Variants in LDLRAD4 observed in about 807,000 individuals in gnomAD.
The protein encoded by LDLRAD4 is low density lipoprotein receptor class A domain containing 4, also known as low-density lipoprotein receptor class A domain-containing protein 4.
In LDLRAD4, 5 loss-of-function variants were observed where a neutral mutation model predicts 17.0. The ratio of observed to expected loss-of-function variants is 0.29; its 90% confidence interval spans 0.15 to 0.62. LDLRAD4 has a LOEUF of 0.62. Ranked by LOEUF, LDLRAD4 falls within the 20% of genes least tolerant of loss-of-function variation. The probability of loss-of-function intolerance (pLI) is 0.84; values close to 1 mark genes in which losing one functional copy is unlikely to be tolerated. For missense variants in LDLRAD4, 340 were observed against 424.7 expected (o/e 0.80, Z 1.75); for synonymous variants, 168 against 171.8 (o/e 0.98, Z 0.17).
chr18:13,538,603 C>T (rs1334332948), intron 3 of LDLRAD4, among the ~76,000 whole-genome samples: 1 of 151,894 alleles, frequency 6.6e-6, no homozygotes, highest in African/African-American at 2.4e-5. Flanking sequence ...CAGCTCACTG[C>T]AACTTCCGCC....
chr18:13,286,840 G>A (rs888142099), intron 1 of LDLRAD4, among the ~76,000 whole-genome samples: 6 of 152,188 alleles, frequency 3.9e-5, no homozygotes, highest in African/African-American at 1.2e-4. Context: ...TGGAGAAGAG[G>A]CCTGGGGTGG....
At chr18:13,305,859 G>A in intron 1 of LDLRAD4, among the ~76,000 whole-genome samples, 1 of 152,316 alleles carries the variant, frequency 6.6e-6, no homozygotes, top group East Asian at 1.9e-4. Flanking sequence ...CTTTTATATG[G>A]TAGAAGGATG....
chr18:13,278,839 A>G (rs1237320319), intron 1 of LDLRAD4, among the ~76,000 whole-genome samples: 1 of 152,126 alleles, frequency 6.6e-6, no homozygotes, highest in Non-Finnish European at 1.5e-5. Flanking sequence ...CAGGAGCTCG[A>G]TAAAACTTTT....
chr18:13,548,091 G>A (rs964254193), intron 3 of LDLRAD4, among the ~76,000 whole-genome samples: 1 of 152,158 alleles, frequency 6.6e-6, no homozygotes, highest in African/African-American at 2.4e-5. Context: ...GACAAATGCA[G>A]CTCTCAGCAG....
At chr18:13,437,348 C>T (rs553567286) in intron 2 of LDLRAD4, among the ~76,000 whole-genome samples, 2 of 152,350 alleles carry the variant, frequency 1.3e-5, no homozygotes, top group African/African-American at 4.8e-5. Context: ...GGGCCAAGCC[C>T]ACACTCAGAA....
chr18:13,628,312 C>G (rs2148870802), intron 4 of LDLRAD4, among the ~76,000 whole-genome samples: 1 of 152,358 alleles, frequency 6.6e-6, no homozygotes, highest in East Asian at 1.9e-4. Flanking sequence ...CACAGGCTTC[C>G]TCTGGCATCA....
At chr18:13,564,606 A>C (rs868057527) in intron 3 of LDLRAD4, among the ~76,000 whole-genome samples, 7 of 143,262 alleles carry the variant, frequency 4.9e-5, no homozygotes, top group African/African-American at 1.5e-4. Flanking sequence ...AAAAAAAAAA[A>C]CTCACAAAAA....
intron 3 of LDLRAD4, among the ~76,000 whole-genome samples, chr18:13,600,383 C>T (rs1296394769): frequency 6.6e-6 from 1 of 152,130 alleles, no homozygotes; most frequent in Non-Finnish European, 1.5e-5. Context: ...TGAAATGAGA[C>T]ATGTGAGGAC....
intron 1 of LDLRAD4, among the ~76,000 whole-genome samples, chr18:13,253,321 G>C (rs1006420845): frequency 1.3e-5 from 2 of 152,184 alleles, no homozygotes; most frequent in Non-Finnish European, 2.9e-5. Context: ...GGGCGCCACT[G>C]CTCTCAGCAT....
At chr18:13,468,023 G>C (rs1255126919) in intron 3 of LDLRAD4, among the ~76,000 whole-genome samples, 1 of 152,074 alleles carries the variant, frequency 6.6e-6, no homozygotes, top group Non-Finnish European at 1.5e-5. Flanking sequence ...AGAGCCAAGA[G>C]CATAAAATTC....
Position 13,554,584 on chromosome 18 carries a change from G to T in LDLRAD4, c.182-66533G>T, listed in dbSNP as rs371539768. Among the ~76,000 whole-genome samples, 5 of 151,568 alleles carry T rather than the reference G, an allele frequency of 3.3e-5. No individual in the cohort carries two copies. In the East Asian group the frequency reaches 9.7e-4, roughly 29 times the overall value. On this transcript the variant is annotated intron_variant, in intron 3 of 5. Transcript: ENST00000359446. Reference sequence around the variant, plus strand: ...GAATACCTACACACCTAAGACTCGGGGTCCAAAGACATTCTCAAACAGATC... The same window carrying T: ...GAATACCTACACACCTAAGACTCGGTGTCCAAAGACATTCTCAAACAGATC...
At chr18:13,496,563 C>G (rs1045110365) in intron 3 of LDLRAD4, among the ~76,000 whole-genome samples, 1 of 152,164 alleles carries the variant, frequency 6.6e-6, no homozygotes, top group African/African-American at 2.4e-5. Flanking sequence ...CTTTAAAGTA[C>G]CCAGTTAAAT....
At chr18:13,270,519 A>G (rs936241131) in intron 1 of LDLRAD4, among the ~76,000 whole-genome samples, 1 of 152,236 alleles carries the variant, frequency 6.6e-6, no homozygotes, top group African/African-American at 2.4e-5. Context: ...CTGGAAGCCA[A>G]GGCAAAGGTA....
rs57033432 is a variant in LDLRAD4, at chr18:13,321,861, C to CAAAAAA, written c.-383+43709_-383+43714dup. On this transcript the variant is annotated intron_variant, in intron 1 of 5. Transcript: ENST00000359446. ...AGGCAACAACAGCGAGACTCCGTCT[C>CAAAAAA]AAAAAAAAAAAAAAAAAAAAAAAAA... Among the ~76,000 whole-genome samples the CAAAAAA allele has an allele frequency of 3.5e-3, 215 of 62,082 alleles. 9 individuals carry two copies. The highest frequency in any genetic ancestry group is 5.4e-3 in the East Asian group (5 of 920). 40.7% of individuals were successfully genotyped at this position (62,082 alleles called of 152,430 possible).
At chr18:13,354,654 G>C (rs941080668) in intron 1 of LDLRAD4, among the ~76,000 whole-genome samples, 3 of 152,172 alleles carry the variant, frequency 2.0e-5, no homozygotes, top group African/African-American at 7.2e-5. Context: ...TGAGCCTTCT[G>C]GTGGTGTGAT....
rs115843687 is a variant in LDLRAD4, at chr18:13,253,388, A to G, written c.-466-24717A>G. ...TGCTCACTCTTTTTTAAGAAGCATG[A>G]TATACATCTAGGAAGAGTAATATTT... On this transcript the variant is annotated intron_variant, in intron 1 of 5. Coordinates refer to the LDLRAD4 transcript ENST00000399848. Among the ~76,000 whole-genome samples, 1,045 of 152,324 alleles carry G rather than the reference A, an allele frequency of 6.9e-3. 11 individuals carry two copies. Among genetic ancestry groups the G allele is most frequent in the African/African-American group, 0.024 (996 of 41,552 alleles).
intron 1 of LDLRAD4, among the ~76,000 whole-genome samples, chr18:13,247,733 C>T (rs193105309): frequency 1.4e-4 from 22 of 152,252 alleles, no homozygotes; most frequent in Admixed American, 7.8e-4. Context: ...CTCTAGTCAC[C>T]GTGTTCTTGC....
At chr18:13,500,014 G>T (rs1180525033) in intron 3 of LDLRAD4, among the ~76,000 whole-genome samples, 2 of 152,022 alleles carry the variant, frequency 1.3e-5, no homozygotes, top group Non-Finnish European at 2.9e-5. Context: ...GGGACTTTCG[G>T]TTTTCTATTT....
intron 1 of LDLRAD4, among the ~76,000 whole-genome samples, chr18:13,341,800 GTCTTA>G (rs2082388584): frequency 6.6e-6 from 1 of 152,076 alleles, no homozygotes; most frequent in African/African-American, 2.4e-5. Context: ...GGACTTTCTT[GTCTTA>G]TTCCTTATCT....
Sources: gnomAD v4.1 joint callset for allele counts (sites outside exome capture counted in the v4.1 genomes callset) on GRCh38, gnomAD v4.1.1 for gene constraint, MANE v1.5 for transcripts, NCBI Gene and HGNC (gene_info 2026-07-23, HGNC 2026-07-21) for gene names.